The following GRHL2 variants were observed in gnomAD, a reference collection of about 807,000 sequenced individuals.
GRHL2 encodes grainyhead-like protein 2 homolog.
A neutral mutation model predicts 83.8 loss-of-function variants in GRHL2; 21 were observed. That is an observed-to-expected ratio of 0.25 (90% CI 0.18 to 0.36). The LOEUF (loss-of-function observed/expected upper bound fraction) is 0.36, where lower values mean the gene tolerates loss of function less well. GRHL2 is among the 10% of genes least tolerant of loss of function. GRHL2 has a pLI of 1.00. For synonymous variants in GRHL2, 280 were observed against 278.9 expected, an observed-to-expected ratio of 1.00 and a Z score of -0.04; for missense variants, 623 against 781.8, an observed-to-expected ratio of 0.80 and a Z score of 2.42.
At chr8:101,633,315 T>C (rs781288311) in intron 11 of GRHL2, among the ~76,000 whole-genome samples, 12 of 152,214 alleles carry the variant, frequency 7.9e-5, no homozygotes, top group Non-Finnish European at 1.8e-4. Flanking sequence ...TATCAATTAG[T>C]TTTCTTTTAA....
chr8:101,537,636 A>G (rs1811069786), intron 1 of GRHL2, among the ~76,000 whole-genome samples: 1 of 152,228 alleles, frequency 6.6e-6, no homozygotes, highest in African/African-American at 2.4e-5. Context: ...GAATAATATT[A>G]TAAAATATCA....
At chr8:101,665,225 C>T (rs907985545) in intron 15 of GRHL2, among the ~76,000 whole-genome samples, 8 of 152,148 alleles carry the variant, frequency 5.3e-5, no homozygotes, top group Non-Finnish European at 7.3e-5. Flanking sequence ...TTAGCTTCCA[C>T]GTTCTGCCGT....
chr8:101,645,304 T>C (rs1813490828), intron 13 of GRHL2, among the ~76,000 whole-genome samples: 1 of 151,990 alleles, frequency 6.6e-6, no homozygotes, highest in Non-Finnish European at 1.5e-5. Flanking sequence ...AGCTAATTTT[T>C]GTATTTTTAG....
At chr8:101,594,186 C>T (rs140986896) in intron 7 of GRHL2, among the ~76,000 whole-genome samples, 51 of 151,184 alleles carry the variant, frequency 3.4e-4, no homozygotes, top group African/African-American at 1.2e-3. Flanking sequence ...ATCGGAGTCA[C>T]ACACCGCTGG....
At chr8:101,596,202 A>T (rs1404192925) in intron 7 of GRHL2, among the ~76,000 whole-genome samples, 2 of 152,164 alleles carry the variant, frequency 1.3e-5, no homozygotes, top group African/African-American at 4.8e-5. Flanking sequence ...AAACAAAATG[A>T]AAGATGGTTC....
chr8:101,680,234 T>G, the GRHL2 span, among the ~76,000 whole-genome samples: 34 of 126,114 alleles, frequency 2.7e-4, no homozygotes, highest in African/African-American at 9.9e-4. Context: ...GAGGAAGATC[T>G]ACCAAGCAAA....
At chr8:101,672,601 G>A (rs146103162), downstream of GRHL2, among the ~76,000 whole-genome samples, 17,622 of 151,684 alleles carry the variant, frequency 0.12, 1,153 homozygotes, top group South Asian at 0.21. Flanking sequence ...AAGTGATGGG[G>A]AGAATGGAAC....
downstream of GRHL2, among the ~76,000 whole-genome samples, chr8:101,671,164 C>T (rs140692497): frequency 6.6e-6 from 1 of 152,166 alleles, no homozygotes; most frequent in African/African-American, 2.4e-5. Flanking sequence ...GAGTGCCAGA[C>T]AGTGGGTGCA....
chr8:101,537,069 C>G (rs1354127040), intron 1 of GRHL2, among the ~76,000 whole-genome samples: 1 of 152,152 alleles, frequency 6.6e-6, no homozygotes, highest in Admixed American at 6.6e-5. Context: ...GGATAATAAC[C>G]TCTGGCTCCA....
chr8:101,530,570 G>A (rs1485614757), intron 1 of GRHL2, among the ~76,000 whole-genome samples: 1 of 151,960 alleles, frequency 6.6e-6, no homozygotes, highest in Non-Finnish European at 1.5e-5. Flanking sequence ...TTTTCTGCAG[G>A]ACATTTAAAA....
intron 11 of GRHL2, among the ~76,000 whole-genome samples, chr8:101,633,430 C>G (rs1034175990): frequency 1.3e-5 from 2 of 152,108 alleles, no homozygotes; most frequent in Non-Finnish European, 1.5e-5. Flanking sequence ...TGGAATTGAC[C>G]TTGGTGTAGA....
At chr8:101,644,094 C>T in intron 12 of GRHL2, 37 bp from the exon 13 acceptor site, 1 of 1,569,786 alleles carries the variant, frequency 6.4e-7, no homozygotes, top group Non-Finnish European at 8.8e-7. Context: ...TGACACCTTG[C>T]TGGTTTTACT....
chr8:101,552,664 G>T, intron 2 of GRHL2, 51 bp from the exon 3 acceptor site: 2 of 1,547,254 alleles, frequency 1.3e-6, no homozygotes, highest in South Asian at 1.1e-5. Context: ...CTCTGAACAT[G>T]GTCATGGTTG....
At chr8:101,672,825 G>A (rs1167796378), downstream of GRHL2, among the ~76,000 whole-genome samples, 1 of 151,844 alleles carries the variant, frequency 6.6e-6, no homozygotes, top group African/African-American at 2.4e-5. Flanking sequence ...TACCCTCAAA[G>A]GGAAGCCCAT....
At chr8:101,611,419 A>G (rs977624120) in intron 8 of GRHL2, among the ~76,000 whole-genome samples, 3 of 150,624 alleles carry the variant, frequency 2.0e-5, no homozygotes, top group African/African-American at 5.0e-5. Context: ...AGCCTCTTAC[A>G]TACCTCATCT....
chr8:101,615,996 G>A (rs1461754582), intron 8 of GRHL2, among the ~76,000 whole-genome samples: 1 of 151,642 alleles, frequency 6.6e-6, no homozygotes, highest in South Asian at 2.1e-4. Context: ...TAGGAGAATC[G>A]GACATAGCAT....
At chr8:101,587,945 CA>C (rs1163906572) in intron 7 of GRHL2, among the ~76,000 whole-genome samples, 1 of 152,154 alleles carries the variant, frequency 6.6e-6, no homozygotes, top group Non-Finnish European at 1.5e-5. Context: ...TCCTTGTTTA[CA>C]AAACCTAAAA....
intron 9 of GRHL2, among the ~76,000 whole-genome samples, chr8:101,625,799 A>G (rs1312811401): frequency 2.0e-5 from 3 of 152,106 alleles, no homozygotes; most frequent in Non-Finnish European, 4.4e-5. Context: ...TGGTTGGAGA[A>G]TGTTGGGTAA....
chr8:101,666,889 C>T lies in GRHL2; in HGVS notation c.*186C>T. ...GGTGTGCTTGGCCCATCCACTGGCA[C>T]CTACCACGGAGCTGAAGCCTGAGCC... On this transcript the variant is annotated 3_prime_UTR_variant, in exon 16 of 16. Transcript: ENST00000646743. 3.1e-6 allele frequency: 2 copies of T among 652,766 alleles called. No homozygotes were observed. Among genetic ancestry groups the T allele is most frequent in the Non-Finnish European group, 5.6e-6 (2 of 359,320 alleles). 40.4% of individuals were successfully genotyped at this position (652,766 alleles called of 1,614,324 possible). A position where few individuals can be genotyped will look rare whatever the true frequency, so the allele number is the denominator to read the frequency against.
Sources: allele counts gnomAD v4.1 joint callset (sites outside exome capture counted in the v4.1 genomes callset), GRCh38; gene constraint gnomAD v4.1.1; transcripts MANE v1.5; gene names NCBI Gene and HGNC (gene_info 2026-07-23, HGNC 2026-07-21).